The following EDNRA variants were observed in gnomAD, a reference collection of about 807,000 sequenced individuals.
EDNRA encodes endothelin-1 receptor.
EDNRA carries 11 observed loss-of-function variants against 41.4 expected under a neutral mutation model. That is an observed-to-expected ratio of 0.27 (90% CI 0.17 to 0.44). The LOEUF is 0.44. EDNRA is among the 20% of genes least tolerant of loss of function. EDNRA has a pLI of 1.00. For missense variants in EDNRA, 294 were observed against 531.0 expected, an observed-to-expected ratio of 0.55 and a Z score of 4.39; for synonymous variants, 172 against 183.0, an observed-to-expected ratio of 0.94 and a Z score of 0.49.
At chr4:147,531,569 A>G (rs1181277494) in intron 3 of EDNRA, 2 of 151,812 alleles carry the variant, frequency 1.3e-5, no homozygotes, top group East Asian at 1.9e-4. Flanking sequence ...CATCCATCCA[A>G]TTTCTCCCCC....
At chr4:147,536,766 A>G (rs1397729540) in intron 5 of EDNRA, among the ~76,000 whole-genome samples, 1 of 152,218 alleles carries the variant, frequency 6.6e-6, no homozygotes, top group African/African-American at 2.4e-5. Flanking sequence ...TGAACATGTC[A>G]ATAGGAGGCT....
At chr4:147,499,872 T>C (rs1434863720) in intron 2 of EDNRA, among the ~76,000 whole-genome samples, 1 of 142,528 alleles carries the variant, frequency 7.0e-6, no homozygotes, top group Non-Finnish European at 1.5e-5. Context: ...TAATGCAATC[T>C]TGGCTTGCTG....
intron 2 of EDNRA, among the ~76,000 whole-genome samples, chr4:147,509,469 T>C (rs1413214058): frequency 6.6e-6 from 1 of 152,166 alleles, no homozygotes; most frequent in Admixed American, 6.5e-5. Context: ...AGAGAACCAG[T>C]GATCTAGATC....
chr4:147,491,181 A>G (rs529415540), intron 2 of EDNRA: 5 of 152,294 alleles, frequency 3.3e-5, no homozygotes, highest in Admixed American at 1.3e-4. Context: ...AACACATCTT[A>G]TTTCTGCATG....
At chr4:147,528,292 A>G (rs1311423060) in intron 3 of EDNRA, among the ~76,000 whole-genome samples, 1 of 151,978 alleles carries the variant, frequency 6.6e-6, no homozygotes, top group Non-Finnish European at 1.5e-5. Context: ...ATTGTGACCA[A>G]CATACAAAAT....
intron 2 of EDNRA, among the ~76,000 whole-genome samples, chr4:147,513,351 G>A (rs539970758): frequency 6.6e-6 from 1 of 152,306 alleles, no homozygotes; most frequent in East Asian, 1.9e-4. Flanking sequence ...TAGGGGATAG[G>A]GAGAGGCCAT....
intron 3 of EDNRA, among the ~76,000 whole-genome samples, chr4:147,523,498 T>G (rs1159607670): frequency 2.0e-5 from 2 of 97,838 alleles, no homozygotes; most frequent in East Asian, 2.3e-4. Context: ...GTTTTTTTTG[T>G]TTTTTTTTTT....
At chr4:147,532,315 G>T (rs1730776245) in intron 3 of EDNRA, among the ~76,000 whole-genome samples, 191 bp from the exon 4 acceptor site, 1 of 102,498 alleles carries the variant, frequency 9.8e-6, no homozygotes, top group African/African-American at 4.6e-5. Context: ...AACAGAGCGA[G>T]ATTTTGCCTC....
intron 2 of EDNRA, among the ~76,000 whole-genome samples, chr4:147,503,095 A>G (rs549501005): frequency 6.6e-6 from 1 of 152,154 alleles, no homozygotes; most frequent in Non-Finnish European, 1.5e-5. Context: ...TTTGGATAAA[A>G]AAGAGAAATG....
intron 6 of EDNRA, 70 bp downstream of exon 6, chr4:147,540,020 A>C (rs1578819289): frequency 6.6e-7 from 1 of 1,526,160 alleles, no homozygotes; most frequent in Admixed American, 2.3e-5. Context: ...CTTTTACAAA[A>C]CCAGCTACTC....
chr4:147,542,215 T>C (rs1279980625), intron 7 of EDNRA, among the ~76,000 whole-genome samples: 1 of 152,150 alleles, frequency 6.6e-6, no homozygotes, highest in Admixed American at 6.5e-5. Flanking sequence ...GAGCCCTTCC[T>C]CTCACCTACA....
At chr4:147,523,491 T>TTTTG in intron 3 of EDNRA, among the ~76,000 whole-genome samples, 1 of 135,598 alleles carries the variant, frequency 7.4e-6, no homozygotes, top group Admixed American at 7.1e-5. Context: ...TTTTTTTGTT[T>TTTTG]TTTTTGTTTT....
chr4:147,500,913 A>T (rs1226738183), intron 2 of EDNRA, among the ~76,000 whole-genome samples: 1 of 152,198 alleles, frequency 6.6e-6, no homozygotes, highest in East Asian at 1.9e-4. Context: ...ATGTGAAAGC[A>T]GCTTGAAGAA....
chr4:147,523,360 T>C (rs1297169591), intron 3 of EDNRA, among the ~76,000 whole-genome samples: 1 of 152,182 alleles, frequency 6.6e-6, no homozygotes, highest in Non-Finnish European at 1.5e-5. Context: ...GAAATACTTC[T>C]ATTTCTTTCA....
intron 3 of EDNRA, among the ~76,000 whole-genome samples, chr4:147,525,715 A>G (rs1273254131): frequency 6.6e-6 from 1 of 152,152 alleles, no homozygotes; most frequent in Non-Finnish European, 1.5e-5. Flanking sequence ...GTCTGGGTAC[A>G]GATCCAACTT....
intron 3 of EDNRA, among the ~76,000 whole-genome samples, chr4:147,524,331 G>A (rs1730454821): frequency 6.6e-6 from 1 of 151,942 alleles, no homozygotes; most frequent in African/African-American, 2.4e-5. Flanking sequence ...GGAGATACTG[G>A]GAAAGTTAGG....
intron 3 of EDNRA, among the ~76,000 whole-genome samples, chr4:147,524,101 T>C (rs1730444616): frequency 6.6e-6 from 1 of 151,970 alleles, no homozygotes; most frequent in African/African-American, 2.4e-5. Flanking sequence ...GACAAAATTA[T>C]AAATGTATTT....
intron 2 of EDNRA, among the ~76,000 whole-genome samples, chr4:147,515,944 A>G (rs1411823112): frequency 1.3e-5 from 2 of 152,198 alleles, no homozygotes; most frequent in African/African-American, 4.8e-5. Context: ...TGATTTTGAT[A>G]CAATCCAAAT....
At chr4:147,506,844 G>A (rs758960713) in intron 2 of EDNRA, 84 of 167,478 alleles carry the variant, frequency 5.0e-4, no homozygotes, top group Non-Finnish European at 8.6e-4. Flanking sequence ...CTTGAACACC[G>A]TATGTTAATG....
Sources: gnomAD v4.1 joint callset for allele counts (sites outside exome capture counted in the v4.1 genomes callset) on GRCh38, gnomAD v4.1.1 for gene constraint, MANE v1.5 for transcripts, NCBI Gene and HGNC (gene_info 2026-07-23, HGNC 2026-07-21) for gene names.